ADAMTSL1: variants seen among roughly 807,000 people sequenced by gnomAD.
The protein encoded by ADAMTSL1 is ADAMTS like 1, also known as ADAMTS-like protein 1.
In ADAMTSL1, 126 loss-of-function variants were observed where a neutral mutation model predicts 201.8. The observed-to-expected ratio is 0.62, with a 90% CI of 0.54 to 0.72. The LOEUF is 0.72. ADAMTSL1 is among the 30% of genes least tolerant of loss of function. The probability of loss-of-function intolerance (pLI) is 0.00; values close to 1 mark genes in which losing one functional copy is unlikely to be tolerated. For missense variants in ADAMTSL1, 2,679 were observed against 2,277.8 expected, an observed-to-expected ratio of 1.18 and a Z score of -3.59; for synonymous variants, 1,121 against 903.4, an observed-to-expected ratio of 1.24 and a Z score of -4.32.
chr9:18,877,750 G>GT (rs1828259454), intron 23 of ADAMTSL1, among the ~76,000 whole-genome samples: 1 of 152,104 alleles, frequency 6.6e-6, no homozygotes, highest in Admixed American at 6.6e-5. Flanking sequence ...ATCAGGTGTG[G>GT]TAGTATAGGG....
intron 1 of ADAMTSL1, among the ~76,000 whole-genome samples, chr9:17,942,796 C>T (rs760664329): frequency 1.3e-5 from 2 of 152,148 alleles, no homozygotes; most frequent in African/African-American, 4.8e-5. Context: ...TAATTAGGTA[C>T]CTTGTAGTCT....
At chr9:18,625,942 G>A (rs1246267748) in intron 5 of ADAMTSL1, among the ~76,000 whole-genome samples, 3 of 152,106 alleles carry the variant, frequency 2.0e-5, no homozygotes, top group Admixed American at 1.3e-4. Flanking sequence ...AATGGCTATG[G>A]GTAAACATAT....
At chr9:18,775,641 T>C in intron 17 of ADAMTSL1, 102 bp from the exon 18 acceptor site, 1 of 1,449,686 alleles carries the variant, frequency 6.9e-7, no homozygotes, top group Non-Finnish European at 9.4e-7. Flanking sequence ...TTATTGCTTT[T>C]CCAAGCAAAT....
chr9:18,580,508 A>G (rs1399427343), intron 4 of ADAMTSL1, among the ~76,000 whole-genome samples: 1 of 152,180 alleles, frequency 6.6e-6, no homozygotes, highest in African/African-American at 2.4e-5. Context: ...TTCTTAAAAT[A>G]TTTAATGCAT....
chr9:18,225,731 G>A (rs1487692084), intron 2 of ADAMTSL1, among the ~76,000 whole-genome samples: 1 of 152,028 alleles, frequency 6.6e-6, no homozygotes, highest in Non-Finnish European at 1.5e-5. Context: ...AATTCATGCA[G>A]AGAAGAAAAA....
chr9:18,267,386 T>G (rs1385230896), intron 2 of ADAMTSL1, among the ~76,000 whole-genome samples: 1 of 152,150 alleles, frequency 6.6e-6, no homozygotes, highest in African/African-American at 2.4e-5. Context: ...ACACAGGACC[T>G]GACTCTTGCA....
intron 1 of ADAMTSL1, among the ~76,000 whole-genome samples, chr9:18,004,873 G>C (rs144861691): frequency 6.6e-6 from 1 of 152,156 alleles, no homozygotes; most frequent in East Asian, 1.9e-4. Context: ...AAAAAGTGAA[G>C]ACGTACCAAA....
intron 4 of ADAMTSL1, among the ~76,000 whole-genome samples, chr9:18,583,776 C>G (rs989060705): frequency 2.0e-5 from 3 of 152,160 alleles, no homozygotes; most frequent in African/African-American, 7.2e-5. Flanking sequence ...AGACAGGAGT[C>G]AAAGGAAATC....
At chr9:18,630,888 C>A (rs1394750360) in intron 5 of ADAMTSL1, among the ~76,000 whole-genome samples, 1 of 152,064 alleles carries the variant, frequency 6.6e-6, no homozygotes, top group East Asian at 1.9e-4. Flanking sequence ...TCCTCATCTC[C>A]CTACAACCTC....
intron 3 of ADAMTSL1, chr9:18,573,407 G>A (rs1031243022): frequency 6.4e-6 from 1 of 155,388 alleles, no homozygotes; most frequent in African/African-American, 2.4e-5. Context: ...CCCATCTAAG[G>A]AGGAAGTCCA....
intron 23 of ADAMTSL1, among the ~76,000 whole-genome samples, chr9:18,886,585 A>G (rs1187177107): frequency 6.6e-6 from 1 of 152,176 alleles, no homozygotes; most frequent in Non-Finnish European, 1.5e-5. Flanking sequence ...GTGCAGCCGC[A>G]GATTTGATAT....
intron 2 of ADAMTSL1, among the ~76,000 whole-genome samples, chr9:18,508,278 C>G (rs1010011712): frequency 6.6e-6 from 1 of 152,040 alleles, no homozygotes; most frequent in African/African-American, 2.4e-5. Flanking sequence ...CCCTGGCTTT[C>G]TCTTCCTGCC....
rs1182117726 is a variant in ADAMTSL1 at position 18,238,588 on chromosome 9, T to A, written c.207+74607T>A. On this transcript the variant is annotated intron_variant, in intron 2 of 29. Transcript: ENST00000680146. Reference sequence around the variant, plus strand: ...TTAGGTGAGATGAGTCAGCACTGGTTTGACATGTAATAGGCACCAAAAAAA... The same window carrying A: ...TTAGGTGAGATGAGTCAGCACTGGTATGACATGTAATAGGCACCAAAAAAA... 2.6e-5 allele frequency among the ~76,000 whole-genome samples: 4 copies of A among 152,192 alleles called. No individual in the cohort carries two copies. The East Asian group carries it at 7.7e-4, about 29-fold the overall frequency.
At chr9:17,970,816 CA>C (rs1327478033) in intron 1 of ADAMTSL1, among the ~76,000 whole-genome samples, 1 of 151,864 alleles carries the variant, frequency 6.6e-6, no homozygotes, top group Non-Finnish European at 1.5e-5. Flanking sequence ...CTGAATTTGC[CA>C]AAAAATATTT....
intron 1 of ADAMTSL1, among the ~76,000 whole-genome samples, chr9:17,951,120 T>C (rs7867106): frequency 0.86 from 130,903 of 152,186 alleles, 56,401 homozygotes; most frequent in East Asian, 0.94. Context: ...GGCATCCCAT[T>C]GGATAGATGA....
At chr9:18,014,678 T>C (rs1185184045) in intron 1 of ADAMTSL1, among the ~76,000 whole-genome samples, 3 of 151,280 alleles carry the variant, frequency 2.0e-5, no homozygotes, top group Non-Finnish European at 4.4e-5. Flanking sequence ...TTGTTAATGC[T>C]GAAGGATCAT....
At chr9:17,951,199 G>A (rs1046528379) in intron 1 of ADAMTSL1, among the ~76,000 whole-genome samples, 19 of 152,210 alleles carry the variant, frequency 1.2e-4, no homozygotes, top group African/African-American at 4.6e-4. Flanking sequence ...GCATCATGGA[G>A]AGGGATGAAT....
chr9:18,844,048 C>G lies in ADAMTSL1; in HGVS notation c.4249+14071C>G, dbSNP rs535413194. On this transcript the variant is annotated intron_variant, in intron 23 of 28. Coordinates refer to ENST00000380548, the MANE Select transcript of ADAMTSL1 (RefSeq NM_001040272.6). ...CTTCTCTCAACTTGTCAAAGTCATT[C>G]TCCGTCCAGCTTTGTTCCATTGCTG... Among the ~76,000 whole-genome samples, 13 of 152,356 alleles carry G rather than the reference C, an allele frequency of 8.5e-5. No homozygotes were observed. The South Asian group carries it at 2.1e-3, about 24-fold the overall frequency.
At chr9:18,067,530 C>T (rs1206911671) in intron 1 of ADAMTSL1, among the ~76,000 whole-genome samples, 1 of 152,018 alleles carries the variant, frequency 6.6e-6, no homozygotes, top group Non-Finnish European at 1.5e-5. Context: ...AAGTAGTGGG[C>T]AATTTAGATT....
Sources: allele counts gnomAD v4.1 joint callset (sites outside exome capture counted in the v4.1 genomes callset), GRCh38; gene constraint gnomAD v4.1.1; transcripts MANE v1.5; gene names NCBI Gene and HGNC (gene_info 2026-07-23, HGNC 2026-07-21).